The following PRTFDC1 variants were observed in gnomAD, a reference collection of about 807,000 sequenced individuals.
The protein encoded by PRTFDC1 is phosphoribosyl transferase domain containing 1.
In PRTFDC1, 38 loss-of-function variants were observed where a neutral mutation model predicts 34.6. The observed-to-expected ratio is 1.10, with a 90% confidence interval of 0.85 to 1.44. The LOEUF is 1.44. Among genes scored for constraint, PRTFDC1 ranks in the 40% most tolerant of loss-of-function variants. The probability of loss-of-function intolerance (pLI) is 0.00; values close to 1 mark genes in which losing one functional copy is unlikely to be tolerated. For synonymous variants in PRTFDC1, 93 were observed against 98.1 expected, an observed-to-expected ratio of 0.95 and a Z score of 0.31; for missense variants, 270 against 283.0, an observed-to-expected ratio of 0.95 and a Z score of 0.33.
At chr10:24,925,475 A>G (rs61645903) in intron 3 of PRTFDC1, among the ~76,000 whole-genome samples, 3,766 of 152,294 alleles carry the variant, frequency 0.025, 147 homozygotes, top group East Asian at 0.087. Context: ...ATATAATTAA[A>G]AAAATAAATA....
chr10:24,918,923 C>T (rs1395776271), intron 3 of PRTFDC1, among the ~76,000 whole-genome samples: 3 of 152,186 alleles, frequency 2.0e-5, no homozygotes, highest in East Asian at 1.9e-4. Context: ...GGCCTCCATG[C>T]TCTTGAATCA....
chr10:24,949,751 T>TATTTATTTATTTA (rs58743711), intron 1 of PRTFDC1, among the ~76,000 whole-genome samples: 53 of 140,112 alleles, frequency 3.8e-4, no homozygotes, highest in Middle Eastern at 3.8e-3. Context: ...TTTTTTTTTT[T>TATTTATTTATTTA]TTTTTAAGAA....
At chr10:24,863,741 G>A (rs1366191506) in intron 4 of PRTFDC1, among the ~76,000 whole-genome samples, 1 of 152,106 alleles carries the variant, frequency 6.6e-6, no homozygotes, top group African/African-American at 2.4e-5. Context: ...TTTGGAAGAA[G>A]TTGATTCCGA....
At chr10:24,943,497 G>A (rs1195103026) in intron 1 of PRTFDC1, among the ~76,000 whole-genome samples, 19 of 151,846 alleles carry the variant, frequency 1.3e-4, no homozygotes, top group South Asian at 2.1e-4. Context: ...TAACAATGAA[G>A]TGTTACACAC....
chr10:24,857,055 C>T, intron 5 of PRTFDC1, 60 bp from the exon 6 acceptor site: 1 of 1,379,754 alleles, frequency 7.2e-7, no homozygotes, highest in Non-Finnish European at 1.0e-6. Context: ...ATAGACTTTT[C>T]ACCCAGGGAG....
Position 24,849,853 on chromosome 10 carries a change from A to G in PRTFDC1, c.669T>C (p.Tyr223=). ...GTGAGAATTCATGTCTTTAGACTCG[A>G]TATTTTTCTTTACCGTGCTCATTGA... The part of the protein sequence containing the change: ...CVINEHGKEK[Y]RV The change falls in exon 9 of 9, where the codon TAT becomes TAC. Residue 223 remains tyrosine, a synonymous_variant. Coordinates refer to ENST00000320152, the MANE Select transcript of PRTFDC1 (RefSeq NM_020200.7). The G allele has an allele frequency of 6.2e-7, 1 of 1,613,960 alleles. No individual in the cohort carries two copies. The highest frequency in any genetic ancestry group is 8.5e-7 in the Non-Finnish European group (1 of 1,179,884).
chr10:24,883,988 T>A (rs903158905), intron 3 of PRTFDC1, among the ~76,000 whole-genome samples: 7 of 151,912 alleles, frequency 4.6e-5, no homozygotes, highest in African/African-American at 1.5e-4. Flanking sequence ...CATGCCTGGA[T>A]AATTTTTGTA....
At chr10:24,915,825 C>G (rs892128723) in intron 3 of PRTFDC1, among the ~76,000 whole-genome samples, 2 of 152,204 alleles carry the variant, frequency 1.3e-5, no homozygotes, top group Non-Finnish European at 2.9e-5. Context: ...GGTATCAGTC[C>G]TTAGAGCTCT....
rs1215733451 is a variant in PRTFDC1, at chr10:24,848,750, GA to G, written c.*1093del. The G allele has an allele frequency of 6.6e-6, 1 of 151,918 alleles. No homozygotes were observed. Among genetic ancestry groups the G allele is most frequent in the Non-Finnish European group, 1.5e-5 (1 of 67,972 alleles). 9.4% of individuals were successfully genotyped at this position (151,918 alleles called of 1,614,324 possible). A position where few individuals can be genotyped will look rare whatever the true frequency, so the allele number is the denominator to read the frequency against. On this transcript the variant is annotated 3_prime_UTR_variant, in exon 9 of 9. Coordinates refer to ENST00000320152, the MANE Select transcript of PRTFDC1 (RefSeq NM_020200.7). ...TGCATTTGCATTTTGTAGGAAGTGA[GA>G]AAAAAACAGCTCTATTGGGACTCAA...
intron 3 of PRTFDC1, among the ~76,000 whole-genome samples, chr10:24,898,734 G>T (rs1271975500): frequency 6.6e-6 from 1 of 152,074 alleles, no homozygotes; most frequent in Non-Finnish European, 1.5e-5. Flanking sequence ...ATCTACCCTT[G>T]GACCAGTCAT....
intron 1 of PRTFDC1, among the ~76,000 whole-genome samples, chr10:24,947,630 A>AT (rs71399942): frequency 0.02 from 3,100 of 151,868 alleles, 44 homozygotes; most frequent in Non-Finnish European, 0.028. Flanking sequence ...ATTAAAAATA[A>AT]TTTTTTTTGT....
At chr10:24,891,139 A>G (rs955964184) in intron 3 of PRTFDC1, among the ~76,000 whole-genome samples, 1 of 152,244 alleles carries the variant, frequency 6.6e-6, no homozygotes, top group African/African-American at 2.4e-5. Context: ...GGTTGAAGCT[A>G]CATAGAAAAT....
chr10:24,863,749 C>T (rs577021282), intron 4 of PRTFDC1, among the ~76,000 whole-genome samples: 8 of 152,018 alleles, frequency 5.3e-5, no homozygotes, highest in South Asian at 2.1e-4. Flanking sequence ...AAGTTGATTC[C>T]GACCCTCATG....
At chr10:24,872,191 G>C in intron 3 of PRTFDC1, 128 bp from the exon 4 acceptor site, 1 of 764,982 alleles carries the variant, frequency 1.3e-6, no homozygotes, top group Non-Finnish European at 2.1e-6. Flanking sequence ...AGCTAATAGG[G>C]ATTCATGGTT....
At chr10:24,867,327 G>C (rs1847797326) in intron 4 of PRTFDC1, among the ~76,000 whole-genome samples, 1 of 152,188 alleles carries the variant, frequency 6.6e-6, no homozygotes, top group Non-Finnish European at 1.5e-5. Context: ...CTTGGCTCCT[G>C]TAGTTCAAGT....
At chr10:24,857,155 C>T in intron 5 of PRTFDC1, 160 bp from the exon 6 acceptor site, 1 of 662,456 alleles carries the variant, frequency 1.5e-6, no homozygotes, top group Non-Finnish European at 2.7e-6. Context: ...TTTATTTAGA[C>T]AGGCGCTTCT....
At chr10:24,892,257 G>A (rs1372990488) in intron 3 of PRTFDC1, among the ~76,000 whole-genome samples, 1 of 152,118 alleles carries the variant, frequency 6.6e-6, no homozygotes, top group Non-Finnish European at 1.5e-5. Flanking sequence ...AAAGTCCTGG[G>A]ATTATAGGCA....
chr10:24,896,302 G>C (rs1461113738), intron 3 of PRTFDC1, among the ~76,000 whole-genome samples: 1 of 152,170 alleles, frequency 6.6e-6, no homozygotes, highest in South Asian at 2.1e-4. Flanking sequence ...TAGGTTGCAT[G>C]TTCCTTACGA....
At chr10:24,941,768 C>G (rs1459828087) in intron 2 of PRTFDC1, among the ~76,000 whole-genome samples, 1 of 152,106 alleles carries the variant, frequency 6.6e-6, no homozygotes, top group African/African-American at 2.4e-5. Context: ...GCTTCCCAAA[C>G]TGGTATTAAG....
Sources: gnomAD v4.1 joint callset for allele counts (sites outside exome capture counted in the v4.1 genomes callset) on GRCh38, gnomAD v4.1.1 for gene constraint, MANE v1.5 for transcripts, NCBI Gene and HGNC (gene_info 2026-07-23, HGNC 2026-07-21) for gene names.